SEC63: variants seen among roughly 807,000 people sequenced by gnomAD.
The protein encoded by SEC63 is translocation protein SEC63 homolog.
Under a neutral mutation model 116.2 loss-of-function variants are expected in SEC63, and 56 were observed. The observed-to-expected ratio is 0.48, with a 90% confidence interval of 0.39 to 0.60. The LOEUF is 0.60. SEC63 is among the 20% of genes least tolerant of loss of function. The pLI is 0.00. For synonymous variants in SEC63, 273 were observed against 294.6 expected (o/e 0.93, Z 0.75); for missense variants, 668 against 900.0 (o/e 0.74, Z 3.30).
At chr6:107,897,127 C>G (rs573866610) in intron 14 of SEC63, among the ~76,000 whole-genome samples, 1 of 152,254 alleles carries the variant, frequency 6.6e-6, no homozygotes, top group East Asian at 1.9e-4. Context: ...AGGCTACATA[C>G]AGGGATGAGC....
chr6:107,898,906 T>C (rs1312314561), intron 13 of SEC63, among the ~76,000 whole-genome samples: 2 of 152,240 alleles, frequency 1.3e-5, no homozygotes, highest in African/African-American at 2.4e-5. Context: ...TCCAATAATC[T>C]GCAATTGCTA....
chr6:107,883,192 A>C, intron 16 of SEC63, 46 bp from the exon 17 acceptor site: 1 of 1,606,162 alleles, frequency 6.2e-7, no homozygotes, highest in African/African-American at 1.3e-5. Flanking sequence ...TCTCAATGAG[A>C]ACATATCAAT....
intron 19 of SEC63, among the ~76,000 whole-genome samples, chr6:107,876,128 G>C (rs559302744): frequency 6.6e-6 from 1 of 152,232 alleles, no homozygotes; most frequent in South Asian, 2.1e-4. Flanking sequence ...TCATCACAAT[G>C]CTGCTTTACT....
At chr6:107,944,355 G>A (rs543342520) in intron 1 of SEC63, among the ~76,000 whole-genome samples, 1 of 152,282 alleles carries the variant, frequency 6.6e-6, no homozygotes, top group Non-Finnish European at 1.5e-5. Context: ...TATCCAAGTG[G>A]AAATGTGGGT....
At chr6:107,916,516 A>G (rs1787403044) in intron 4 of SEC63, among the ~76,000 whole-genome samples, 1 of 152,244 alleles carries the variant, frequency 6.6e-6, no homozygotes, top group Admixed American at 6.5e-5. Context: ...ACAATTTGCT[A>G]TTATAACTTA....
chr6:107,929,456 T>C lies in SEC63; in HGVS notation c.183A>G (p.Leu61=). 6.2e-7 allele frequency: 1 copy of C among 1,602,186 alleles called. No individual in the cohort carries two copies. Among genetic ancestry groups the C allele is most frequent in the Non-Finnish European group, 8.6e-7 (1 of 1,169,240 alleles). Residue 61 remains leucine (L), a synonymous_variant, in exon 2 of 21, where the codon TTA becomes TTG. Transcript: ENST00000369002. ...TATTTGGCTGGGGTTTTAATAACCG[T>C]AAACGATACCACATACACCTTCCAT... is the stretch of plus-strand genomic sequence containing the variant. ...KVYGRCMWYR[L]RLLKPQPNII...
chr6:107,912,778 A>C lies in SEC63; in HGVS notation c.515-4T>G. On this transcript the variant is annotated splice_region_variant and splice_polypyrimidine_tract_variant and intron_variant, in intron 5 of 20. Transcript: ENST00000369002. ...AGGGCAATTCCAAAGCTTGTGGCTG[A>C]AATAGAAAAAATATCAGTTTCTGAA... The C allele has an allele frequency of 6.2e-7, 1 of 1,604,820 alleles. No homozygotes were observed.
At chr6:107,918,460 C>T (rs1205759309) in intron 4 of SEC63, among the ~76,000 whole-genome samples, 10 of 151,974 alleles carry the variant, frequency 6.6e-5, no homozygotes, top group Admixed American at 4.6e-4. Flanking sequence ...TTTCAGAGGC[C>T]GAGGTGGGCA....
At chr6:107,948,541 C>G (rs1419237723) in intron 1 of SEC63, among the ~76,000 whole-genome samples, 1 of 152,176 alleles carries the variant, frequency 6.6e-6, no homozygotes, top group African/African-American at 2.4e-5. Flanking sequence ...TTGCAACTTT[C>G]CGGGAAAGGC....
chr6:107,929,230 C>T (rs934691146), intron 2 of SEC63, among the ~76,000 whole-genome samples, 185 bp downstream of exon 2: 1 of 152,178 alleles, frequency 6.6e-6, no homozygotes, highest in Non-Finnish European at 1.5e-5. Flanking sequence ...CAGTATACTC[C>T]CCTTCCTTTG....
chr6:107,921,341 T>C (rs1197052672), intron 4 of SEC63, among the ~76,000 whole-genome samples: 2 of 152,184 alleles, frequency 1.3e-5, no homozygotes, highest in Non-Finnish European at 2.9e-5. Context: ...TAAATTAAAT[T>C]ACCACGTTAG....
chr6:107,934,398 C>T (rs907464033), intron 1 of SEC63, among the ~76,000 whole-genome samples: 1 of 149,836 alleles, frequency 6.7e-6, no homozygotes, highest in Non-Finnish European at 1.5e-5. Context: ...ATGTGGGAAG[C>T]GTCTGTGCCC....
At chr6:107,917,318 G>A (rs930674463) in intron 4 of SEC63, among the ~76,000 whole-genome samples, 38 of 152,164 alleles carry the variant, frequency 2.5e-4, no homozygotes, top group Admixed American at 9.8e-4. Context: ...TGTTTGGGGT[G>A]CTCAGCTCTG....
At chr6:107,955,522 A>G (rs1770693953) in intron 1 of SEC63, among the ~76,000 whole-genome samples, 1 of 152,270 alleles carries the variant, frequency 6.6e-6, no homozygotes, top group African/African-American at 2.4e-5. Context: ...TGATTTACAA[A>G]TAGTATTAAT....
At chr6:107,925,024 T>A in intron 2 of SEC63, 92 bp from the exon 3 acceptor site, 1 of 761,370 alleles carries the variant, frequency 1.3e-6, no homozygotes, top group South Asian at 1.4e-5. Flanking sequence ...AACTCTACAG[T>A]AGTACCATAT....
chr6:107,941,112 A>G (rs974264831), intron 1 of SEC63, among the ~76,000 whole-genome samples: 1 of 152,194 alleles, frequency 6.6e-6, no homozygotes, highest in African/African-American at 2.4e-5. Flanking sequence ...TAAACACCAC[A>G]TACCCCAAAG....
At chr6:107,876,304 C>T (rs980824758) in intron 19 of SEC63, among the ~76,000 whole-genome samples, 5 of 152,076 alleles carry the variant, frequency 3.3e-5, no homozygotes, top group African/African-American at 1.2e-4. Context: ...GGTGTATGTT[C>T]TTAGACACTA....
At chr6:107,916,989 G>A (rs957294701) in intron 4 of SEC63, among the ~76,000 whole-genome samples, 2 of 152,240 alleles carry the variant, frequency 1.3e-5, no homozygotes, top group East Asian at 1.9e-4. Context: ...GGCCATAAAC[G>A]AAATCTCTGC....
chr6:107,916,706 T>C (rs1255088891), intron 4 of SEC63, among the ~76,000 whole-genome samples: 1 of 152,260 alleles, frequency 6.6e-6, no homozygotes, highest in Non-Finnish European at 1.5e-5. Flanking sequence ...TTTTCACTAT[T>C]ATTTTATCTG....
Sources: allele counts gnomAD v4.1 joint callset (sites outside exome capture counted in the v4.1 genomes callset), GRCh38; gene constraint gnomAD v4.1.1; transcripts MANE v1.5; gene names NCBI Gene and HGNC (gene_info 2026-07-23, HGNC 2026-07-21).